The following ADGRL2 variants were observed in gnomAD, a reference collection of about 807,000 sequenced individuals.
ADGRL2 encodes calcium-independent alpha-latrotoxin receptor 2.
A neutral mutation model predicts 157.4 loss-of-function variants in ADGRL2; 44 were observed. The ratio of observed to expected loss-of-function variants is 0.28; its 90% CI spans 0.22 to 0.36. ADGRL2 has a LOEUF of 0.36. ADGRL2 is among the 10% of genes least tolerant of loss of function. The probability of loss-of-function intolerance (pLI) is 1.00; values close to 1 mark genes in which losing one functional copy is unlikely to be tolerated. For missense variants in ADGRL2, 1,510 were observed against 1,768.9 expected (o/e 0.85, Z 2.63); for synonymous variants, 585 against 624.7 (o/e 0.94, Z 0.95).
chr1:81,827,489 T>A (rs2091590875), intron 1 of ADGRL2, among the ~76,000 whole-genome samples: 1 of 152,212 alleles, frequency 6.6e-6, no homozygotes, highest in African/African-American at 2.4e-5. Flanking sequence ...TGTGGTAATG[T>A]CCTTTGTTTT....
At chr1:81,358,548 A>G (rs1328196808) in intron 1 of ADGRL2, among the ~76,000 whole-genome samples, 1 of 152,172 alleles carries the variant, frequency 6.6e-6, no homozygotes, top group African/African-American at 2.4e-5. Context: ...TCATTTCTTC[A>G]GAGATATAGA....
chr1:81,343,233 G>A (rs779167791), intron 1 of ADGRL2, among the ~76,000 whole-genome samples: 4 of 151,356 alleles, frequency 2.6e-5, no homozygotes, highest in African/African-American at 9.7e-5. Flanking sequence ...GGGATTACAG[G>A]CACGTGCCAC....
chr1:81,449,215 G>A (rs2077660619), intron 2 of ADGRL2, among the ~76,000 whole-genome samples: 2 of 151,512 alleles, frequency 1.3e-5, no homozygotes, highest in Admixed American at 6.6e-5. Context: ...TAAATAACCA[G>A]TGATACTATG....
intron 1 of ADGRL2, among the ~76,000 whole-genome samples, chr1:81,357,862 A>G (rs1663428647): frequency 6.6e-6 from 1 of 152,208 alleles, no homozygotes; most frequent in African/African-American, 2.4e-5. Flanking sequence ...AAACTCTTTA[A>G]GCTTAAATTT....
intron 1 of ADGRL2, among the ~76,000 whole-genome samples, chr1:81,382,389 T>C (rs2076358909): frequency 6.6e-6 from 1 of 152,194 alleles, no homozygotes; most frequent in Non-Finnish European, 1.5e-5. Flanking sequence ...TGAATGTCCA[T>C]TAAGTAAGGA....
intron 2 of ADGRL2, among the ~76,000 whole-genome samples, chr1:81,561,477 T>A (rs1309534494): frequency 1.3e-5 from 2 of 151,458 alleles, no homozygotes; most frequent in Non-Finnish European, 2.9e-5. Context: ...TTTTTTTTTT[T>A]TCAGAGGGAG....
At chr1:81,616,037 T>G (rs1165490470) in intron 3 of ADGRL2, among the ~76,000 whole-genome samples, 1 of 151,270 alleles carries the variant, frequency 6.6e-6, no homozygotes, top group Non-Finnish European at 1.5e-5. Context: ...AGCCTCACCC[T>G]TCCCCACCCC....
chr1:81,366,307 A>AT (rs2100950972), intron 1 of ADGRL2, among the ~76,000 whole-genome samples: 1 of 147,004 alleles, frequency 6.8e-6, no homozygotes, highest in East Asian at 2.0e-4. Flanking sequence ...AAAAAAAAAA[A>AT]GTAATTCTAA....
intron 2 of ADGRL2, among the ~76,000 whole-genome samples, chr1:81,458,294 T>C (rs141582674): frequency 1.3e-5 from 2 of 152,352 alleles, no homozygotes; most frequent in African/African-American, 4.8e-5. Flanking sequence ...TAACATGTTG[T>C]TACCTATAGG....
At chr1:81,919,207 ATTAT>A (rs1287822413) in intron 3 of ADGRL2, among the ~76,000 whole-genome samples, 1 of 152,150 alleles carries the variant, frequency 6.6e-6, no homozygotes, top group Admixed American at 6.5e-5. Flanking sequence ...TTTAAAGGAC[ATTAT>A]TTAAGTTTAT....
At chr1:81,389,179 ATC>A (rs1231668152) in intron 1 of ADGRL2, among the ~76,000 whole-genome samples, 1 of 152,104 alleles carries the variant, frequency 6.6e-6, no homozygotes, top group Non-Finnish European at 1.5e-5. Context: ...CAGCATGAAA[ATC>A]TCTCTGAATA....
chr1:81,427,604 A>G, intron 1 of ADGRL2: 1 of 703,246 alleles, frequency 1.4e-6, no homozygotes, highest in Admixed American at 1.9e-5. Flanking sequence ...TAGGAGCAGA[A>G]GGTTTTGAAA....
chr1:81,502,214 G>A, intron 2 of ADGRL2: 1 of 1,603,090 alleles, frequency 6.2e-7, no homozygotes, highest in Non-Finnish European at 8.5e-7. Context: ...TCCAGCACCA[G>A]GGCTCCCACC....
intron 1 of ADGRL2, among the ~76,000 whole-genome samples, chr1:81,417,669 T>G (rs4388742): frequency 0.19 from 28,709 of 152,174 alleles, 2,833 homozygotes; most frequent in South Asian, 0.29. Context: ...CACCTTTCTT[T>G]CACAGAAACA....
chr1:81,895,225 C>T (rs1487179884), intron 2 of ADGRL2, among the ~76,000 whole-genome samples: 1 of 151,848 alleles, frequency 6.6e-6, no homozygotes, highest in African/African-American at 2.4e-5. Flanking sequence ...TTAATTGGCC[C>T]CCTTATAGAA....
Position 81,526,857 on chromosome 1 carries a change from C to T in ADGRL2, c.-247-54019C>T, listed in dbSNP as rs1052338244. On this transcript the variant is annotated intron_variant, in intron 2 of 24. Transcript: ENST00000370721. ...TGTTATTACAATTCTAGGGTAAGTT[C>T]GCCCAAGGGCAGAGCTAACACAAGC... Among the ~76,000 whole-genome samples, 9 of 152,146 alleles carry T rather than the reference C, an allele frequency of 5.9e-5. No homozygotes were observed. In the East Asian group the frequency reaches 7.7e-4, roughly 13 times the overall value.
At chr1:81,738,620 C>T (rs1212926848) in intron 1 of ADGRL2, among the ~76,000 whole-genome samples, 1 of 152,218 alleles carries the variant, frequency 6.6e-6, no homozygotes, top group Non-Finnish European at 1.5e-5. Context: ...GAAGAGACCC[C>T]TCTACATGCA....
intron 1 of ADGRL2, among the ~76,000 whole-genome samples, chr1:81,834,896 T>A (rs1301977125): frequency 6.6e-6 from 1 of 152,154 alleles, no homozygotes; most frequent in Admixed American, 6.6e-5. Context: ...GAATTTTTAG[T>A]ATATAAAAAT....
chr1:81,811,836 T>C (rs1036068673), intron 1 of ADGRL2, among the ~76,000 whole-genome samples: 4 of 151,756 alleles, frequency 2.6e-5, no homozygotes, highest in African/African-American at 9.7e-5. Flanking sequence ...GTTTACTTTG[T>C]GTTCAGAAAA....
Sources: allele counts gnomAD v4.1 joint callset (sites outside exome capture counted in the v4.1 genomes callset), GRCh38; gene constraint gnomAD v4.1.1; transcripts MANE v1.5; gene names NCBI Gene and HGNC (gene_info 2026-07-23, HGNC 2026-07-21).